ADAMTS6: variants seen among roughly 807,000 people sequenced by gnomAD.
The protein encoded by ADAMTS6 is A disintegrin and metalloproteinase with thrombospondin motifs 6.
A neutral mutation model predicts 144.3 loss-of-function variants in ADAMTS6; 23 were observed. The observed-to-expected ratio is 0.16, with a 90% CI of 0.11 to 0.23. ADAMTS6 has a LOEUF of 0.23. ADAMTS6 is among the 10% of genes least tolerant of loss of function. ADAMTS6 has a pLI of 1.00. For synonymous variants in ADAMTS6, 444 were observed against 457.5 expected, an observed-to-expected ratio of 0.97 and a Z score of 0.38; for missense variants, 999 against 1,379.6, an observed-to-expected ratio of 0.72 and a Z score of 4.37.
intron 22 of ADAMTS6, among the ~76,000 whole-genome samples, chr5:65,181,921 A>T (rs1754376404): frequency 2.0e-5 from 3 of 152,198 alleles, no homozygotes; most frequent in Non-Finnish European, 4.4e-5. Context: ...ATGCATATTA[A>T]AGTCTGGGAC....
chr5:65,220,607 C>T (rs939401350), intron 18 of ADAMTS6, among the ~76,000 whole-genome samples: 1 of 152,010 alleles, frequency 6.6e-6, no homozygotes, highest in Non-Finnish European at 1.5e-5. Context: ...ATTAGCCGGG[C>T]GTCAACGTGG....
chr5:65,467,914 C>G (rs1760146048), intron 3 of ADAMTS6, among the ~76,000 whole-genome samples: 1 of 152,040 alleles, frequency 6.6e-6, no homozygotes, highest in East Asian at 1.9e-4. Flanking sequence ...TTAAATGGCT[C>G]CATGAAAAAT....
chr5:65,232,162 T>C (rs1468640819), intron 15 of ADAMTS6, among the ~76,000 whole-genome samples: 3 of 151,924 alleles, frequency 2.0e-5, no homozygotes, highest in Non-Finnish European at 4.4e-5. Flanking sequence ...AGAAACCTTA[T>C]GACAAATAAA....
intron 11 of ADAMTS6, among the ~76,000 whole-genome samples, chr5:65,287,491 T>C (rs1215886113): frequency 6.6e-6 from 1 of 152,214 alleles, no homozygotes; most frequent in African/African-American, 2.4e-5. Context: ...TCTGTATTTT[T>C]AGTTTCCTCA....
intron 13 of ADAMTS6, 96 bp downstream of exon 13, chr5:65,262,721 T>C: frequency 2.9e-6 from 4 of 1,379,136 alleles, no homozygotes; most frequent in Non-Finnish European, 3.8e-6. Flanking sequence ...CTTGGCTCAC[T>C]AGCGAAACGT....
rs1313433196 is a variant in ADAMTS6 at position 65,291,313 on chromosome 5, G to T, written c.1512+16C>A. The T allele has an allele frequency of 6.2e-7, 1 of 1,604,180 alleles. No individual in the cohort carries two copies. Among genetic ancestry groups the T allele is most frequent in the African/African-American group, 1.3e-5 (1 of 74,480 alleles). On this transcript the variant is annotated intron_variant, in intron 11 of 24. Transcript: ENST00000381055. ...ACACGTATAAATGACGAAACATAAG[G>T]ATGAAGACTTCTTACCCCATATTTA...
At chr5:65,348,758 C>T (rs555131561) in intron 7 of ADAMTS6, among the ~76,000 whole-genome samples, 1 of 151,478 alleles carries the variant, frequency 6.6e-6, no homozygotes, top group Non-Finnish European at 1.5e-5. Context: ...CATTGTACGC[C>T]ATAAATATAT....
chr5:65,410,520 G>C (rs1026910195), intron 7 of ADAMTS6, among the ~76,000 whole-genome samples: 1 of 151,710 alleles, frequency 6.6e-6, no homozygotes, highest in Non-Finnish European at 1.5e-5. Flanking sequence ...ATTTTCCTAT[G>C]GAAAGAACAC....
chr5:65,291,211 C>T, intron 11 of ADAMTS6, 118 bp downstream of exon 11: 2 of 1,230,950 alleles, frequency 1.6e-6, no homozygotes, highest in Non-Finnish European at 2.2e-6. Flanking sequence ...TGTCAAAAGC[C>T]ATATTTAAAT....
chr5:65,321,708 C>CTTTTTTTTTTTTTTTTTTTTT (rs529236363), intron 9 of ADAMTS6, among the ~76,000 whole-genome samples: 1 of 78,852 alleles, frequency 1.3e-5, no homozygotes, highest in East Asian at 4.4e-4. Context: ...TTTTCTTTTC[C>CTTTTTTTTTTTTTTTTTTTTT]TTTTTTTTTT....
intron 7 of ADAMTS6, among the ~76,000 whole-genome samples, chr5:65,441,016 A>T (rs897006906): frequency 3.9e-5 from 6 of 152,214 alleles, no homozygotes; most frequent in African/African-American, 1.4e-4. Context: ...AGAAGCAATA[A>T]AATACAGTAC....
At position 65,224,929 on chromosome 5, in the gene ADAMTS6, C is replaced by A. The variant is rs1406801710; in HGVS notation, c.2186G>T (p.Arg729Met). ...IEGFFNDSLP[R>M]GGYMEVVQIP... ...AGTTCTCTCTACATACTCACCTCCCCTGGGCAGTGAATCATTGAAGAACCC... is the reference window on the plus strand; with the variant it reads ...AGTTCTCTCTACATACTCACCTCCCATGGGCAGTGAATCATTGAAGAACCC... Residue 729 changes from arginine (R) to methionine (M), a missense_variant, in exon 17 of 25, where the codon AGG (arginine) becomes ATG (methionine). Physicochemically the swap from Arg to Met is moderately conservative, Grantham distance 91. This residue lies in a region of ADAMTS6 where 619 missense variants were observed against 837.0 expected (regional missense o/e 0.74). Coordinates refer to ENST00000381055, the MANE Select transcript of ADAMTS6 (RefSeq NM_197941.4). 4 of 1,613,270 alleles carry A rather than the reference C, an allele frequency of 2.5e-6. No homozygotes were observed. In the Admixed American group the frequency reaches 5.0e-5, roughly 20 times the overall value.
At chr5:65,159,483 T>C (rs559441266) in intron 24 of ADAMTS6, among the ~76,000 whole-genome samples, 6 of 152,302 alleles carry the variant, frequency 3.9e-5, no homozygotes, top group African/African-American at 1.4e-4. Flanking sequence ...ACTGCCTCCA[T>C]GCCCCTGTGA....
chr5:65,268,633 A>G (rs1761816396), intron 12 of ADAMTS6, among the ~76,000 whole-genome samples: 1 of 152,092 alleles, frequency 6.6e-6, no homozygotes, highest in Non-Finnish European at 1.5e-5. Flanking sequence ...TTCTTATTCA[A>G]TCCTTGAATG....
intron 24 of ADAMTS6, among the ~76,000 whole-genome samples, chr5:65,153,573 A>T (rs540047861): frequency 6.6e-6 from 1 of 152,338 alleles, no homozygotes; most frequent in South Asian, 2.1e-4. Flanking sequence ...TTATTATTAC[A>T]ATTATTAGTT....
intron 7 of ADAMTS6, among the ~76,000 whole-genome samples, chr5:65,403,352 C>T (rs1035215620): frequency 3.3e-5 from 5 of 152,052 alleles, no homozygotes; most frequent in African/African-American, 1.2e-4. Context: ...GCTTTGAATA[C>T]TATCTATATA....
At chr5:65,176,852 T>C (rs1024415769) in intron 22 of ADAMTS6, among the ~76,000 whole-genome samples, 4 of 152,310 alleles carry the variant, frequency 2.6e-5, no homozygotes, top group South Asian at 2.1e-4. Flanking sequence ...GTCTAAAAAC[T>C]AATAAAAATA....
chr5:65,313,637 T>C (rs1271195627), intron 9 of ADAMTS6, among the ~76,000 whole-genome samples: 1 of 151,954 alleles, frequency 6.6e-6, no homozygotes, highest in Non-Finnish European at 1.5e-5. Flanking sequence ...TGTGGAGACA[T>C]AAGAAAATAA....
chr5:65,293,002 T>G (rs957387556), intron 10 of ADAMTS6, among the ~76,000 whole-genome samples: 1 of 152,140 alleles, frequency 6.6e-6, no homozygotes, highest in African/African-American at 2.4e-5. Flanking sequence ...AATAATGCTT[T>G]TTTGGCTTTA....
Sources: allele counts gnomAD v4.1 joint callset (sites outside exome capture counted in the v4.1 genomes callset), GRCh38; gene constraint gnomAD v4.1.1; regional missense constraint gnomAD v4.1.1; transcripts MANE v1.5; gene names NCBI Gene and HGNC (gene_info 2026-07-23, HGNC 2026-07-21).